The following PEX14 variants were observed in gnomAD, a reference collection of about 807,000 sequenced individuals.
PEX14 encodes the protein peroxisomal biogenesis factor 14, also known as peroxisomal membrane protein PEX14.
In PEX14, 15 loss-of-function variants were observed where a neutral mutation model predicts 49.5. The ratio of observed to expected loss-of-function variants is 0.30; its 90% CI spans 0.20 to 0.47. The LOEUF (loss-of-function observed/expected upper bound fraction) is 0.47. Among genes scored for constraint, PEX14 ranks in the 20% least tolerant of loss-of-function variants. PEX14 has a pLI of 1.00. For missense variants in PEX14, 398 were observed against 494.8 expected (o/e 0.80, Z 1.86); for synonymous variants, 210 against 212.7 (o/e 0.99, Z 0.11).
At chr1:10,493,120 G>A (rs1030995855) in intron 1 of PEX14, among the ~76,000 whole-genome samples, 1 of 152,182 alleles carries the variant, frequency 6.6e-6, no homozygotes, top group African/African-American at 2.4e-5. Context: ...ATGTGGTGCC[G>A]CTTGAGACCT....
chr1:10,566,575 G>A (rs1254333560), intron 3 of PEX14, among the ~76,000 whole-genome samples: 2 of 151,448 alleles, frequency 1.3e-5, no homozygotes, highest in Non-Finnish European at 2.9e-5. Flanking sequence ...TGCAACCTCC[G>A]CCTCTTGAGT....
chr1:10,588,414 G>T (rs1358976454), intron 3 of PEX14, among the ~76,000 whole-genome samples: 1 of 152,108 alleles, frequency 6.6e-6, no homozygotes, highest in Non-Finnish European at 1.5e-5. Flanking sequence ...GGCAGGAGTG[G>T]GAAGGAGACT....
At chr1:10,577,548 ATATATATATATATATTTTTTTTTTTTTTT>A (rs1640167291) in intron 3 of PEX14, among the ~76,000 whole-genome samples, 6 of 7,542 alleles carry the variant, frequency 8.0e-4, no homozygotes, top group Admixed American at 5.0e-3. Context: ...ATATATATAT[ATATATATATATATATTTTTTTTTTTTTTT>A]TTTTTTTTTT....
Position 10,494,620 on chromosome 1 carries a change from G to GC in PEX14, c.37-652dup, listed in dbSNP as rs1354905398. On this transcript the variant is annotated intron_variant, in intron 1 of 8. Transcript: ENST00000356607. This position sits in a 1 kb window ranked among gnomAD's most constrained non-coding sequence, Gnocchi z 4.3. ...GAGCCAGGGCCTCGGCCACAGTGCT[G>GC]CCTGCTCGCCTGGAGGTTGGTCTGC... 2.0e-5 allele frequency among the ~76,000 whole-genome samples: 3 copies of GC among 152,346 alleles called. No individual in the cohort carries two copies. Among genetic ancestry groups the GC allele is most frequent in the African/African-American group, 7.2e-5 (3 of 41,578 alleles).
At chr1:10,538,158 C>T (rs1355227256) in intron 3 of PEX14, among the ~76,000 whole-genome samples, 3 of 152,134 alleles carry the variant, frequency 2.0e-5, no homozygotes, top group African/African-American at 7.2e-5. Flanking sequence ...TGTCAGATGC[C>T]GAGCGCCATG....
At position 10,628,339 on chromosome 1, in the gene PEX14, T is replaced by C. The variant is rs764675343; in HGVS notation, c.677+976T>C. Reference sequence around the variant, plus strand: ...GGCTGATGCCCTAGTGGGCCTTGCATGGGGTGTCCTTGTTTCCCTGCTGGG... The same window carrying C: ...GGCTGATGCCCTAGTGGGCCTTGCACGGGGTGTCCTTGTTTCCCTGCTGGG... On this transcript the variant is annotated intron_variant, in intron 8 of 8. Transcript: ENST00000356607. This position sits in a 1 kb window ranked among gnomAD's most constrained non-coding sequence, Gnocchi z 4.5. Among the ~76,000 whole-genome samples the C allele has an allele frequency of 6.6e-6, 1 of 152,360 alleles. No individual in the cohort carries two copies.
chr1:10,564,525 C>T (rs1182606557), intron 3 of PEX14, among the ~76,000 whole-genome samples: 3 of 151,798 alleles, frequency 2.0e-5, no homozygotes, highest in African/African-American at 4.8e-5. Flanking sequence ...CATCCTCCTA[C>T]CTTAGTCTCC....
rs773005677 is a variant in PEX14 at position 10,629,755 on chromosome 1, G to A, written c.902G>A (p.Gly301Glu). ...HLLGPQEEGE[G>E]VVDVKGQVRM... Reference sequence around the variant, plus strand: ...CTGGGCCCCCAGGAGGAAGGCGAGGGGGTGGTGGACGTCAAGGGCCAGGTG... The same window carrying A: ...CTGGGCCCCCAGGAGGAAGGCGAGGAGGTGGTGGACGTCAAGGGCCAGGTG... Residue 301 changes from glycine (G) to glutamate (E), a missense_variant, in exon 9 of 9, where the codon GGG (glycine) becomes GAG (glutamate). Gly to Glu is a moderately conservative substitution (Grantham distance 98, BLOSUM62 -2). Around this residue, in one of 3 missense-constraint regions of PEX14, gnomAD observed 140 missense variants for 155.5 expected, o/e 0.90. Transcript: ENST00000356607. This position sits in a 1 kb window ranked among gnomAD's most constrained non-coding sequence, Gnocchi z 8.5. The A allele has an allele frequency of 6.3e-7, 1 of 1,588,496 alleles. No homozygotes were observed. Among genetic ancestry groups the A allele is most frequent in the South Asian group, 1.1e-5 (1 of 88,236 alleles).
At chr1:10,594,308 G>A (rs2124593996) in intron 3 of PEX14, among the ~76,000 whole-genome samples, 1 of 152,180 alleles carries the variant, frequency 6.6e-6, no homozygotes, top group East Asian at 1.9e-4. Flanking sequence ...GTGTGCCGGG[G>A]CAGATAACTT....
rs1641886903 is a variant in PEX14, at chr1:10,630,285, GCCCCCTCTCCCGGACAGACGCCTTGCCC to G, written c.*299_*326del. Reference sequence around the variant, plus strand: ...GCCTCGGGGCCCAAGCCCCTCCCCAGCCCCCTCTCCCGGACAGACGCCTTGCCCAGGGTGTGTTTGCTGAGTGTCTTGA... The same window carrying G: ...GCCTCGGGGCCCAAGCCCCTCCCCAGAGGGTGTGTTTGCTGAGTGTCTTGA... On this transcript the variant is annotated 3_prime_UTR_variant, in exon 9 of 9. Coordinates refer to ENST00000356607, the MANE Select transcript of PEX14 (RefSeq NM_004565.3). This position sits in a 1 kb window ranked among gnomAD's most constrained non-coding sequence, Gnocchi z 4.1. 3.7e-6 allele frequency: 2 copies of G among 535,956 alleles called. No homozygotes were observed. Among genetic ancestry groups the G allele is most frequent in the Admixed American group, 6.3e-5 (2 of 31,498 alleles). 33.2% of individuals were successfully genotyped at this position (535,956 alleles called of 1,614,324 possible).
rs1387642605 is a variant in PEX14, at chr1:10,597,676, C to T, written c.170-1562C>T. Among the ~76,000 whole-genome samples the T allele has an allele frequency of 2.0e-5, 3 of 152,202 alleles. No individual in the cohort carries two copies. The highest frequency in any genetic ancestry group is 4.4e-5 in the Non-Finnish European group (3 of 68,028). ...AGAGCATGGTGCTATCAGGGCAACC[C>T]GGTGGCTCTTCAGACTTCCCAGTGG... On this transcript the variant is annotated intron_variant, in intron 3 of 8. Coordinates refer to ENST00000356607, the MANE Select transcript of PEX14 (RefSeq NM_004565.3). The surrounding 1 kb of genome is among the most constrained non-coding windows in gnomAD (Gnocchi z 5.7).
intron 6 of PEX14, 127 bp from the exon 7 acceptor site, chr1:10,624,213 G>A (rs776418115): frequency 1.3e-4 from 100 of 773,382 alleles, no homozygotes; most frequent in Non-Finnish European, 2.2e-4. Context: ...GGATTGCGGG[G>A]GCTGGGGGTG....
rs980389612 is a variant in PEX14 at position 10,613,878 on chromosome 1, C to T, written c.299-4454C>T. On this transcript the variant is annotated intron_variant, in intron 4 of 8. Coordinates refer to ENST00000356607, the MANE Select transcript of PEX14 (RefSeq NM_004565.3). This position sits in a 1 kb window ranked among gnomAD's most constrained non-coding sequence, Gnocchi z 5.0. Reference sequence around the variant, plus strand: ...AGTCCCTGCTTCCAGAGTGGAGACTCGAAGCATTTAAAAAGCCCACTCATT... The same window carrying T: ...AGTCCCTGCTTCCAGAGTGGAGACTTGAAGCATTTAAAAAGCCCACTCATT... Among the ~76,000 whole-genome samples, 1 of 152,142 alleles carries T rather than the reference C, an allele frequency of 6.6e-6. No homozygotes were observed. Among genetic ancestry groups the T allele is most frequent in the Non-Finnish European group, 1.5e-5 (1 of 68,028 alleles).
chr1:10,563,915 A>G (rs1039198622), intron 3 of PEX14, among the ~76,000 whole-genome samples: 2 of 51,704 alleles, frequency 3.9e-5, no homozygotes, highest in African/African-American at 8.2e-5. Context: ...GGTCTCAAAA[A>G]AGAAAAAAAA....
chr1:10,498,778 C>A (rs1641615593), intron 2 of PEX14, among the ~76,000 whole-genome samples: 1 of 152,226 alleles, frequency 6.6e-6, no homozygotes, highest in South Asian at 2.1e-4. Context: ...GTTGACAAAA[C>A]TCCGCCAAAG....
chr1:10,522,845 T>C (rs2124457908), intron 2 of PEX14, among the ~76,000 whole-genome samples: 1 of 152,374 alleles, frequency 6.6e-6, no homozygotes, highest in Admixed American at 6.5e-5. Flanking sequence ...AACTTTTGGC[T>C]GGGAATTATG....
chr1:10,506,319 G>A (rs1382557531), intron 2 of PEX14, among the ~76,000 whole-genome samples: 1 of 152,156 alleles, frequency 6.6e-6, no homozygotes, highest in Non-Finnish European at 1.5e-5. Context: ...TCTTGTTGCT[G>A]CCCAGGCTGG....
intron 3 of PEX14, among the ~76,000 whole-genome samples, chr1:10,565,660 T>C (rs186913916): frequency 5.1e-4 from 77 of 152,362 alleles, no homozygotes; most frequent in African/African-American, 1.8e-3. Flanking sequence ...ATTAATGTTT[T>C]AAAATGGATT....
chr1:10,587,444 CAAATAAAT>C (rs997618826), intron 3 of PEX14, among the ~76,000 whole-genome samples: 1 of 151,710 alleles, frequency 6.6e-6, no homozygotes, highest in Non-Finnish European at 1.5e-5. Context: ...GATTCTGTCT[CAAATAAAT>C]AAATAAATAA....
Sources: allele counts gnomAD v4.1 joint callset (sites outside exome capture counted in the v4.1 genomes callset), GRCh38; gene constraint gnomAD v4.1.1; regional missense constraint gnomAD v4.1.1; non-coding constraint Gnocchi (gnomAD v3.1); transcripts MANE v1.5; gene names NCBI Gene and HGNC (gene_info 2026-07-23, HGNC 2026-07-21).